ZMAT4: variants seen among roughly 807,000 people sequenced by gnomAD.
ZMAT4 encodes the protein zinc finger matrin-type 4, also known as zinc finger matrin-type protein 4.
Under a neutral mutation model 28.7 loss-of-function variants are expected in ZMAT4, and 17 were observed. The observed-to-expected ratio is 0.59, with a 90% CI of 0.41 to 0.89. The LOEUF is 0.89. Ranked by LOEUF, ZMAT4 falls within the 40% of genes least tolerant of loss-of-function variation. The probability of loss-of-function intolerance (pLI) is 0.00; values close to 1 mark genes in which losing one functional copy is unlikely to be tolerated. For synonymous variants in ZMAT4, 117 were observed against 109.2 expected (o/e 1.07, Z -0.44); for missense variants, 240 against 283.8 (o/e 0.85, Z 1.11).
chr8:40,892,383 C>A (rs181809203), intron 1 of ZMAT4, among the ~76,000 whole-genome samples: 1 of 152,134 alleles, frequency 6.6e-6, no homozygotes, highest in Non-Finnish European at 1.5e-5. Context: ...ACTCAGGAGC[C>A]CCCCCAGGGA....
At chr8:40,572,066 A>C (rs1306713028) in intron 6 of ZMAT4, among the ~76,000 whole-genome samples, 1 of 152,146 alleles carries the variant, frequency 6.6e-6, no homozygotes. Flanking sequence ...TCTTCTCAGG[A>C]TTTTAAGCTG....
intron 2 of ZMAT4, among the ~76,000 whole-genome samples, chr8:40,772,563 T>C (rs1276836349): frequency 6.6e-6 from 1 of 152,208 alleles, no homozygotes; most frequent in Non-Finnish European, 1.5e-5. Flanking sequence ...AAAGCAACCT[T>C]GTATTTGCAT....
chr8:40,664,279 A>G (rs1389181237), intron 5 of ZMAT4, among the ~76,000 whole-genome samples: 5 of 152,166 alleles, frequency 3.3e-5, no homozygotes, highest in African/African-American at 1.2e-4. Flanking sequence ...CAAAACCCCA[A>G]GGAGAGGCCC....
intron 1 of ZMAT4, among the ~76,000 whole-genome samples, chr8:40,864,445 G>T (rs1158745226): frequency 6.6e-6 from 1 of 152,208 alleles, no homozygotes; most frequent in Non-Finnish European, 1.5e-5. Flanking sequence ...GATGACAGGT[G>T]ACCAGGATGG....
intron 5 of ZMAT4, among the ~76,000 whole-genome samples, chr8:40,673,336 T>C (rs926732348): frequency 8.5e-5 from 13 of 152,210 alleles, no homozygotes; most frequent in African/African-American, 3.1e-4. Context: ...ACTTATTTTG[T>C]CTAGAAATGT....
chr8:40,609,921 C>T (rs764258630), intron 5 of ZMAT4, among the ~76,000 whole-genome samples: 25 of 152,160 alleles, frequency 1.6e-4, no homozygotes, highest in Non-Finnish European at 3.2e-4. Flanking sequence ...AGTGAATGCA[C>T]ATTGCACCAG....
At chr8:40,670,384 A>T (rs1238382173) in intron 5 of ZMAT4, among the ~76,000 whole-genome samples, 1 of 152,234 alleles carries the variant, frequency 6.6e-6, no homozygotes, top group Non-Finnish European at 1.5e-5. Context: ...CACAAAAATT[A>T]ATTTCAGATA....
At chr8:40,711,733 T>C (rs1810632077) in intron 3 of ZMAT4, among the ~76,000 whole-genome samples, 1 of 152,160 alleles carries the variant, frequency 6.6e-6, no homozygotes, top group Admixed American at 6.5e-5. Context: ...AGGGGTACAT[T>C]AGTGATAAAA....
At chr8:40,765,897 GA>G (rs1813138501) in intron 3 of ZMAT4, among the ~76,000 whole-genome samples, 1 of 152,142 alleles carries the variant, frequency 6.6e-6, no homozygotes, top group African/African-American at 2.4e-5. Context: ...ATAATTTCAA[GA>G]AGTAAAAAAC....
chr8:40,881,600 AAAGAAAAG>A (rs1305408344), intron 1 of ZMAT4, among the ~76,000 whole-genome samples: 1 of 37,116 alleles, frequency 2.7e-5, no homozygotes, highest in Admixed American at 2.7e-4. Flanking sequence ...GAAAGAAAGA[AAAGAAAAG>A]AAAAGAGAGA....
intron 5 of ZMAT4, among the ~76,000 whole-genome samples, chr8:40,654,515 A>G (rs1333095555): frequency 6.6e-6 from 1 of 152,194 alleles, no homozygotes; most frequent in Non-Finnish European, 1.5e-5. Flanking sequence ...ACAAAAAAAG[A>G]AAACTACAGA....
chr8:40,541,375 G>A (rs1237741044), intron 6 of ZMAT4, among the ~76,000 whole-genome samples: 1 of 152,082 alleles, frequency 6.6e-6, no homozygotes. Flanking sequence ...AGAAGTGGGG[G>A]AATGTTAATA....
At chr8:40,875,830 C>G (rs970397606) in intron 1 of ZMAT4, among the ~76,000 whole-genome samples, 1 of 152,188 alleles carries the variant, frequency 6.6e-6, no homozygotes, top group Admixed American at 6.5e-5. Context: ...ACCCAACCCC[C>G]CTGAGACTTT....
intron 5 of ZMAT4, among the ~76,000 whole-genome samples, chr8:40,631,770 C>G (rs557866887): frequency 6.6e-6 from 1 of 152,274 alleles, no homozygotes; most frequent in African/African-American, 2.4e-5. Context: ...GTTTTACGCT[C>G]TTAAGCCATT....
At chr8:40,651,718 T>C (rs1323696113) in intron 5 of ZMAT4, among the ~76,000 whole-genome samples, 1 of 151,984 alleles carries the variant, frequency 6.6e-6, no homozygotes, top group Non-Finnish European at 1.5e-5. Flanking sequence ...TGTTTGGTAC[T>C]GGTACCAAAA....
intron 3 of ZMAT4, among the ~76,000 whole-genome samples, chr8:40,731,490 T>C (rs1249510037): frequency 1.3e-5 from 2 of 152,092 alleles, no homozygotes; most frequent in African/African-American, 4.8e-5. Flanking sequence ...AGAAGAATCA[T>C]TTCCAGAGTT....
intron 3 of ZMAT4, among the ~76,000 whole-genome samples, chr8:40,749,665 A>C (rs376795059): frequency 1.3e-5 from 2 of 152,234 alleles, no homozygotes. Context: ...AATGTTCTAC[A>C]GGAACCTGGG....
At chr8:40,881,578 G>GAA (rs746398678) in intron 1 of ZMAT4, among the ~76,000 whole-genome samples, 1 of 105,980 alleles carries the variant, frequency 9.4e-6, no homozygotes, top group Non-Finnish European at 2.0e-5. Context: ...AAGAAAGAAA[G>GAA]AAAGAAAGAA....
chr8:40,656,612 T>C (rs993848226), intron 5 of ZMAT4, among the ~76,000 whole-genome samples: 1 of 152,104 alleles, frequency 6.6e-6, no homozygotes, highest in African/African-American at 2.4e-5. Flanking sequence ...AAATGAATGA[T>C]GTACTGATAC....
Sources: gnomAD v4.1 joint callset for allele counts (sites outside exome capture counted in the v4.1 genomes callset) on GRCh38, gnomAD v4.1.1 for gene constraint, MANE v1.5 for transcripts, NCBI Gene and HGNC (gene_info 2026-07-23, HGNC 2026-07-21) for gene names.